SLC35D4: variants seen among roughly 807,000 people sequenced by gnomAD.
SLC35D4 encodes the protein solute carrier family 35 member D4.
chr18:23,268,501 A>T, the SLC35D4 span, among the ~76,000 whole-genome samples: 10 of 152,166 alleles, frequency 6.6e-5, no homozygotes, highest in South Asian at 2.1e-3. Flanking sequence ...AGGAATCCAT[A>T]TTTGCAACAA....
At chr18:23,260,758 G>A in the SLC35D4 span, among the ~76,000 whole-genome samples, 1 of 152,178 alleles carries the variant, frequency 6.6e-6, no homozygotes, top group African/African-American at 2.4e-5. Flanking sequence ...CGGGGCTGTT[G>A]GCACAGTTGG....
the SLC35D4 span, among the ~76,000 whole-genome samples, chr18:23,343,513 T>G: frequency 6.6e-6 from 1 of 152,196 alleles, no homozygotes; most frequent in African/African-American, 2.4e-5. Flanking sequence ...AGTGCTAGGA[T>G]TACAGGTCTG....
the SLC35D4 span, among the ~76,000 whole-genome samples, chr18:23,288,864 C>T: frequency 5.9e-5 from 9 of 152,260 alleles, no homozygotes; most frequent in African/African-American, 1.4e-4. Flanking sequence ...GAAGGTAGAA[C>T]GGACTAATGG....
the SLC35D4 span, among the ~76,000 whole-genome samples, chr18:23,389,902 A>T: frequency 6.6e-6 from 1 of 152,288 alleles, no homozygotes; most frequent in South Asian, 2.1e-4. Context: ...CCTAATGTGA[A>T]CTATAACCCA....
the SLC35D4 span, among the ~76,000 whole-genome samples, chr18:23,355,767 T>C: frequency 6.6e-6 from 1 of 152,126 alleles, no homozygotes; most frequent in Non-Finnish European, 1.5e-5. Context: ...TGACATTGTA[T>C]TTATAGTCAA....
the SLC35D4 span, among the ~76,000 whole-genome samples, chr18:23,269,570 G>C: frequency 6.6e-6 from 1 of 152,346 alleles, no homozygotes; most frequent in East Asian, 1.9e-4. Flanking sequence ...AGCAATTTTG[G>C]AACTGGGTAA....
chr18:23,259,921 TGG>T, the SLC35D4 span: 2 of 152,256 alleles, frequency 1.3e-5, no homozygotes, highest in Admixed American at 1.3e-4. Context: ...CAGAGATCTG[TGG>T]GGAAGCTCCG....
the SLC35D4 span, among the ~76,000 whole-genome samples, chr18:23,345,806 T>C: frequency 6.6e-6 from 1 of 152,158 alleles, no homozygotes. Flanking sequence ...TTGTATTTCT[T>C]GATTTTTTAA....
the SLC35D4 span, chr18:23,399,496 G>C: frequency 2.9e-6 from 4 of 1,358,324 alleles, no homozygotes; most frequent in Non-Finnish European, 4.2e-6. Flanking sequence ...ATTGAGCTGA[G>C]GCATGATAAG....
the SLC35D4 span, among the ~76,000 whole-genome samples, chr18:23,412,621 C>T: frequency 3.3e-5 from 5 of 152,110 alleles, no homozygotes; most frequent in Admixed American, 6.6e-5. Flanking sequence ...ATTCCCTTGA[C>T]GAAGTCCAGC....
the SLC35D4 span, among the ~76,000 whole-genome samples, chr18:23,288,520 C>T: frequency 6.6e-6 from 1 of 151,902 alleles, no homozygotes; most frequent in Non-Finnish European, 1.5e-5. Flanking sequence ...TTCAGGCCCC[C>T]TCCCTTCCCT....
the SLC35D4 span, among the ~76,000 whole-genome samples, chr18:23,292,686 G>A: frequency 2.6e-5 from 4 of 152,166 alleles, no homozygotes; most frequent in Admixed American, 6.5e-5. Context: ...ACCTAGATTC[G>A]AGTCCCAGCT....
chr18:23,368,632 G>T, the SLC35D4 span: 1 of 943,066 alleles, frequency 1.1e-6, no homozygotes. Flanking sequence ...CATTGGCTCA[G>T]AACTCTTCAA....
the SLC35D4 span, among the ~76,000 whole-genome samples, chr18:23,300,334 G>A: frequency 2.0e-5 from 3 of 152,172 alleles, no homozygotes; most frequent in Non-Finnish European, 4.4e-5. Context: ...CCGGATGCAA[G>A]GGCTGCACGG....
chr18:23,358,245 C>A, the SLC35D4 span, among the ~76,000 whole-genome samples: 1 of 152,116 alleles, frequency 6.6e-6, no homozygotes, highest in African/African-American at 2.4e-5. Flanking sequence ...TGAGGAACGG[C>A]GGAGAGGGAG....
At chr18:23,313,147 A>AAAAAAAAAAAAAAAAAAAC in the SLC35D4 span, among the ~76,000 whole-genome samples, 1 of 145,536 alleles carries the variant, frequency 6.9e-6, no homozygotes, top group Non-Finnish European at 1.5e-5. Context: ...AAAAAAAAAA[A>AAAAAAAAAAAAAAAAAAAC]AAAAAAAAAA....
At chr18:23,322,677 T>G in the SLC35D4 span, among the ~76,000 whole-genome samples, 19 of 152,376 alleles carry the variant, frequency 1.2e-4, no homozygotes, top group South Asian at 2.1e-3. Flanking sequence ...AATACTTGAT[T>G]GTGTTGTTTC....
At chr18:23,264,793 T>C in the SLC35D4 span, among the ~76,000 whole-genome samples, 4 of 152,052 alleles carry the variant, frequency 2.6e-5, no homozygotes, top group Non-Finnish European at 4.4e-5. Flanking sequence ...TACAGGTGCA[T>C]CACGCCACGC....
chr18:23,437,742 C>A, the SLC35D4 span: 1 of 1,595,032 alleles, frequency 6.3e-7, no homozygotes, highest in Non-Finnish European at 8.5e-7. Flanking sequence ...ACTCAAACCT[C>A]CCACGTGCAA....
Sources: gnomAD v4.1 joint callset for allele counts (sites outside exome capture counted in the v4.1 genomes callset) on GRCh38, gnomAD v4.1.1 for gene constraint, MANE v1.5 for transcripts, NCBI Gene and HGNC (gene_info 2026-07-23, HGNC 2026-07-21) for gene names.